Variants in NELL2 observed in about 807,000 individuals in gnomAD.
The protein encoded by NELL2 is protein kinase C-binding protein NELL2.
Under a neutral mutation model 109.6 loss-of-function variants are expected in NELL2, and 41 were observed. That is an observed-to-expected ratio of 0.37 (90% CI 0.29 to 0.49). NELL2 has a LOEUF of 0.49. NELL2 is among the 20% of genes least tolerant of loss of function. The pLI, the probability that NELL2 is intolerant of heterozygous loss-of-function variation, is 0.98. For missense variants in NELL2, 900 were observed against 1,008.3 expected (o/e 0.89, Z 1.45); for synonymous variants, 355 against 344.7 (o/e 1.03, Z -0.33).
At chr12:44,881,819 T>G (rs1279111137) in intron 1 of NELL2, 1 of 151,868 alleles carries the variant, frequency 6.6e-6, no homozygotes, top group Non-Finnish European at 1.5e-5. Context: ...GATACACTTA[T>G]AGGAATCCAT....
intron 15 of NELL2, among the ~76,000 whole-genome samples, chr12:44,535,422 T>C (rs185792088): frequency 1.3e-5 from 2 of 152,064 alleles, no homozygotes; most frequent in African/African-American, 2.4e-5. Context: ...ATTTATTGAA[T>C]GCATTTTATG....
At chr12:44,719,261 G>A (rs1298362762) in intron 9 of NELL2, among the ~76,000 whole-genome samples, 1 of 152,188 alleles carries the variant, frequency 6.6e-6, no homozygotes, top group Non-Finnish European at 1.5e-5. Context: ...AAAGAAGCCA[G>A]TAAAACTCTG....
Position 44,622,003 on chromosome 12 carries a change from T to C in NELL2, c.1445-11033A>G, listed in dbSNP as rs576818065. 1.9e-3 allele frequency among the ~76,000 whole-genome samples: 284 copies of C among 152,262 alleles called. 5 individuals are homozygous for C. The Middle Eastern group carries it at 0.048, about 26-fold the overall frequency. ...CTCTTACCTGTCACTCCATAATCAG[T>C]ATACTTCTTGAGAAAGAAAATGTTA... On this transcript the variant is annotated intron_variant, in intron 13 of 19. Transcript: ENST00000429094.
intron 12 of NELL2, among the ~76,000 whole-genome samples, chr12:44,686,975 T>A (rs1948738874): frequency 6.6e-6 from 1 of 152,224 alleles, no homozygotes; most frequent in African/African-American, 2.4e-5. Context: ...TTTGTTTACC[T>A]AAGCAAGCCT....
At chr12:44,879,054 G>A (rs1211550388), upstream of NELL2, among the ~76,000 whole-genome samples, 1 of 152,148 alleles carries the variant, frequency 6.6e-6, no homozygotes, top group Non-Finnish European at 1.5e-5. Flanking sequence ...TGTGGAAGAA[G>A]GAGGCATAAG....
chr12:44,815,895 C>T (rs1416215400), intron 3 of NELL2, 91 bp downstream of exon 3: 4 of 1,408,952 alleles, frequency 2.8e-6, no homozygotes, highest in Non-Finnish European at 3.8e-6. Context: ...AAGAGATATA[C>T]AAGAGAAGAA....
At chr12:44,607,542 T>C (rs941272565) in intron 14 of NELL2, among the ~76,000 whole-genome samples, 1 of 152,046 alleles carries the variant, frequency 6.6e-6, no homozygotes, top group Non-Finnish European at 1.5e-5. Context: ...AGGAAGTACA[T>C]TAAAATTCAG....
intron 15 of NELL2, among the ~76,000 whole-genome samples, chr12:44,534,355 C>T (rs775210102): frequency 2.0e-5 from 3 of 152,084 alleles, no homozygotes; most frequent in Admixed American, 6.6e-5. Flanking sequence ...AATATTTCAG[C>T]ATTATTTCTG....
At chr12:44,685,510 C>T (rs1340752669) in intron 12 of NELL2, among the ~76,000 whole-genome samples, 4 of 152,022 alleles carry the variant, frequency 2.6e-5, no homozygotes, top group African/African-American at 7.2e-5. Context: ...TTCCTAGTCT[C>T]GATGGTCTTT....
At chr12:44,853,212 T>C (rs1312597322) in intron 2 of NELL2, among the ~76,000 whole-genome samples, 1 of 152,202 alleles carries the variant, frequency 6.6e-6, no homozygotes, top group Non-Finnish European at 1.5e-5. Context: ...TTCAGGATTA[T>C]GGTTTATCAT....
At chr12:44,571,604 T>C (rs1250933748) in intron 15 of NELL2, among the ~76,000 whole-genome samples, 1 of 152,208 alleles carries the variant, frequency 6.6e-6, no homozygotes, top group Non-Finnish European at 1.5e-5. Context: ...CCAATATAAA[T>C]TGATCAAATG....
intron 9 of NELL2, among the ~76,000 whole-genome samples, chr12:44,755,767 C>T (rs547076690): frequency 1.3e-5 from 2 of 152,170 alleles, no homozygotes; most frequent in Non-Finnish European, 2.9e-5. Context: ...TTACTTTCTT[C>T]TCTATCCAAT....
rs189944842 is a variant in NELL2, at chr12:44,587,979, G to A, written c.1663+19190C>T. ...ATCCTGGCTAACATGGTGAAACCCC[G>A]TCTCTACTAAAAATACAAAAAATTA... On this transcript the variant is annotated intron_variant, in intron 15 of 19. Transcript: ENST00000429094. 4.9e-4 allele frequency among the ~76,000 whole-genome samples: 74 copies of A among 151,990 alleles called. 2 individuals are homozygous for A. The highest frequency in any genetic ancestry group is 3.7e-3 in the South Asian group (18 of 4,808).
intron 1 of NELL2, among the ~76,000 whole-genome samples, chr12:44,887,803 T>G (rs527476249): frequency 7.2e-5 from 11 of 151,986 alleles, no homozygotes; most frequent in Non-Finnish European, 1.0e-4. Flanking sequence ...TTTTGTTGAT[T>G]GTTTCCTTTG....
chr12:44,779,599 T>C, intron 5 of NELL2, 64 bp downstream of exon 5: 9 of 1,311,680 alleles, frequency 6.9e-6, no homozygotes, highest in Non-Finnish European at 9.7e-6. Flanking sequence ...AAAAGTAAAA[T>C]CTACTTTTTG....
intron 2 of NELL2, among the ~76,000 whole-genome samples, chr12:44,841,269 T>G (rs188145028): frequency 1.6e-4 from 25 of 152,336 alleles, no homozygotes; most frequent in Admixed American, 1.2e-3. Flanking sequence ...CCTTTTCACA[T>G]GCCTTACTTC....
intron 15 of NELL2, among the ~76,000 whole-genome samples, chr12:44,585,210 A>G (rs1322733613): frequency 1.3e-5 from 2 of 152,246 alleles, no homozygotes; most frequent in African/African-American, 4.8e-5. Context: ...ATAGTTTTAC[A>G]GAAACGCTTA....
intron 3 of NELL2, among the ~76,000 whole-genome samples, chr12:44,806,559 T>C (rs148189866): frequency 6.6e-6 from 1 of 151,978 alleles, no homozygotes; most frequent in Non-Finnish European, 1.5e-5. Context: ...ATCATAAAAT[T>C]TAGAAGTACA....
At chr12:44,605,397 T>C (rs2136244112) in intron 15 of NELL2, among the ~76,000 whole-genome samples, 1 of 152,240 alleles carries the variant, frequency 6.6e-6, no homozygotes, top group East Asian at 1.9e-4. Flanking sequence ...ACAGTACAAC[T>C]AAATTTTGAG....
Sources: allele counts gnomAD v4.1 joint callset (sites outside exome capture counted in the v4.1 genomes callset), GRCh38; gene constraint gnomAD v4.1.1; transcripts MANE v1.5; gene names NCBI Gene and HGNC (gene_info 2026-07-23, HGNC 2026-07-21).